Variants in MAP2K6 observed in about 807,000 individuals in gnomAD.
MAP2K6 encodes mitogen-activated protein kinase kinase 6, also known as dual specificity mitogen-activated protein kinase kinase 6.
A neutral mutation model predicts 53.7 loss-of-function variants in MAP2K6; 16 were observed. The observed-to-expected ratio is 0.30, with a 90% CI of 0.20 to 0.45. The LOEUF is 0.45. MAP2K6 is among the 20% of genes least tolerant of loss of function. MAP2K6 has a pLI of 1.00. For synonymous variants in MAP2K6, 132 were observed against 143.1 expected (o/e 0.92, Z 0.55); for missense variants, 204 against 411.9 (o/e 0.50, Z 4.37).
intron 1 of MAP2K6, among the ~76,000 whole-genome samples, chr17:69,456,783 C>T (rs926713279): frequency 1.3e-5 from 2 of 152,164 alleles, no homozygotes; most frequent in Admixed American, 6.5e-5. Context: ...TACTCTTACC[C>T]CACCTGCCCT....
intron 11 of MAP2K6, 128 bp downstream of exon 11, chr17:69,536,288 T>C (rs1911354689): frequency 8.4e-6 from 6 of 713,528 alleles, no homozygotes; most frequent in South Asian, 5.0e-5. Flanking sequence ...GTGACAGGAA[T>C]TGAACTCCAG....
rs1245587290 is a variant in MAP2K6, at chr17:69,553,862, C to T, written c.*12109C>T. On this transcript the variant is annotated 3_prime_UTR_variant, in exon 12 of 12. Transcript: ENST00000590474. ...AACCAATAAAAGACATTTTAAAAAG[C>T]GTAGTGAGTCTGTACATTAATTGAG... The T allele has an allele frequency of 2.0e-5, 3 of 152,142 alleles. No homozygotes were observed. Among genetic ancestry groups the T allele is most frequent in the Non-Finnish European group, 4.4e-5 (3 of 68,024 alleles). The allele number at this position is 152,142 out of a possible 1,614,324, so 9.4% of individuals were successfully genotyped here.
At chr17:69,463,556 C>T (rs945687826) in intron 1 of MAP2K6, among the ~76,000 whole-genome samples, 4 of 149,836 alleles carry the variant, frequency 2.7e-5, no homozygotes, top group African/African-American at 9.8e-5. Context: ...CCTCCACCTC[C>T]CACGTTCAAG....
chr17:69,422,782 C>T (rs1033214267), intron 1 of MAP2K6, among the ~76,000 whole-genome samples: 10 of 152,206 alleles, frequency 6.6e-5, no homozygotes, highest in South Asian at 2.1e-4. Flanking sequence ...GGCTGGATAG[C>T]GAGTCAGTGG....
intron 1 of MAP2K6, among the ~76,000 whole-genome samples, chr17:69,449,609 C>CTTTTTT (rs757595417): frequency 2.9e-5 from 2 of 70,014 alleles, no homozygotes; most frequent in Non-Finnish European, 5.6e-5. Flanking sequence ...CTTTCTCTCT[C>CTTTTTT]TTTTTTTTTT....
rs71144698 is a variant in MAP2K6 at position 69,508,041 on chromosome 17, G to GTTTTTTTTTTTT, written c.83+2211_83+2222dup. Among the ~76,000 whole-genome samples, 8 of 44,872 alleles carry GTTTTTTTTTTTT rather than the reference G, an allele frequency of 1.8e-4. 2 individuals carry two copies. The highest frequency in any genetic ancestry group is 2.6e-4 in the African/African-American group (3 of 11,660). 29.4% of individuals were successfully genotyped at this position (44,872 alleles called of 152,430 possible). A position where few individuals can be genotyped will look rare whatever the true frequency, so the allele number is the denominator to read the frequency against. On this transcript the variant is annotated intron_variant, in intron 2 of 11. Coordinates refer to ENST00000590474, the MANE Select transcript of MAP2K6 (RefSeq NM_002758.4). Reference sequence around the variant, plus strand: ...TCTGATGTGTAGTGATATATATGTAGTTTTTTTTTTTTTTTTTTTTTTTTT... The same window carrying GTTTTTTTTTTTT: ...TCTGATGTGTAGTGATATATATGTAGTTTTTTTTTTTTTTTTTTTTTTTTTTTTTTTTTTTTT...
At position 69,551,092 on chromosome 17, in the gene MAP2K6, A is replaced by T. The variant is rs1481547019; in HGVS notation, c.*9339A>T. The T allele has an allele frequency of 6.6e-6, 1 of 152,186 alleles. No individual in the cohort carries two copies. The highest frequency in any genetic ancestry group is 2.4e-5 in the African/African-American group (1 of 41,436). The allele number at this position is 152,186 out of a possible 1,614,324, so 9.4% of individuals were successfully genotyped here. A position where few individuals can be genotyped will look rare whatever the true frequency, so the allele number is the denominator to read the frequency against. ...TCCTAAAGTGGTTGAGAATGACCTG[A>T]TCTTTGTTCACCGTCTCAGTGACAA... On this transcript the variant is annotated 3_prime_UTR_variant, in exon 12 of 12. Transcript: ENST00000590474.
chr17:69,501,331 A>G (rs1002211981), intron 1 of MAP2K6, among the ~76,000 whole-genome samples: 14 of 152,184 alleles, frequency 9.2e-5, no homozygotes, highest in Admixed American at 8.5e-4. Flanking sequence ...TTGGGTTGGC[A>G]GTGGAACATA....
intron 11 of MAP2K6, among the ~76,000 whole-genome samples, chr17:69,539,108 A>G (rs1253773669): frequency 6.6e-6 from 1 of 152,214 alleles, no homozygotes; most frequent in Admixed American, 6.5e-5. Context: ...ATGTTCTCCA[A>G]TTATCTTAGG....
chr17:69,437,057 C>A (rs1052769995), intron 1 of MAP2K6, among the ~76,000 whole-genome samples: 1 of 152,050 alleles, frequency 6.6e-6, no homozygotes, highest in Non-Finnish European at 1.5e-5. Flanking sequence ...AAACTTCTGA[C>A]CTCAGGCGAT....
In MAP2K6 at chr17:69,529,573, C is replaced by T. The variant is rs188173038; in HGVS notation, c.881+2864C>T. ...CCACCCAGGCTGGAGTGCAGTGGCA[C>T]GATCTCAGCTCACTGCAAGCTCCGC... On this transcript the variant is annotated intron_variant, in intron 10 of 11. Transcript: ENST00000590474. Among the ~76,000 whole-genome samples, 128 of 143,934 alleles carry T rather than the reference C, an allele frequency of 8.9e-4. 3 individuals are homozygous for T. The East Asian group carries it at 0.025, about 28-fold the overall frequency. The allele number at this position is 143,934 out of a possible 152,430, so 94.4% of individuals were successfully genotyped here. A position where few individuals can be genotyped will look rare whatever the true frequency, so the allele number is the denominator to read the frequency against.
At chr17:69,457,908 T>G (rs1418824005) in intron 1 of MAP2K6, among the ~76,000 whole-genome samples, 1 of 152,222 alleles carries the variant, frequency 6.6e-6, no homozygotes, top group Non-Finnish European at 1.5e-5. Flanking sequence ...AAGATTCCTG[T>G]GCACATTAAA....
intron 1 of MAP2K6, among the ~76,000 whole-genome samples, chr17:69,440,409 C>T (rs183741589): frequency 6.6e-6 from 1 of 152,262 alleles, no homozygotes; most frequent in East Asian, 1.9e-4. Context: ...CTACCCCAGC[C>T]TCACCCAATA....
At chr17:69,456,155 CTGTCCTGGCCTTTCAGTTTT>C (rs1038126519) in intron 1 of MAP2K6, among the ~76,000 whole-genome samples, 1 of 152,226 alleles carries the variant, frequency 6.6e-6, no homozygotes, top group African/African-American at 2.4e-5. Flanking sequence ...GCCACAGCTC[CTGTCCTGGCCTTTCAGTTTT>C]AAACCCAGAA....
intron 1 of MAP2K6, among the ~76,000 whole-genome samples, chr17:69,458,937 C>A (rs1454774097): frequency 6.6e-6 from 1 of 152,160 alleles, no homozygotes; most frequent in Non-Finnish European, 1.5e-5. Flanking sequence ...CCTTTTGGAG[C>A]ACATTAAAGC....
rs369519969 is a variant in MAP2K6 at position 69,494,871 on chromosome 17, G to A, written c.17-10909G>A. ...AAATACAAAATTAGCCGGGCATGGT[G>A]GCGCACTTCTGTAATCCCAGCTACT... On this transcript the variant is annotated intron_variant, in intron 1 of 11. Coordinates refer to ENST00000590474, the MANE Select transcript of MAP2K6 (RefSeq NM_002758.4). The surrounding 1 kb of genome is among the most constrained non-coding windows in gnomAD (Gnocchi z 4.2). Among the ~76,000 whole-genome samples the A allele has an allele frequency of 7.2e-5, 11 of 152,116 alleles. No individual in the cohort carries two copies. The East Asian group carries it at 1.4e-3, about 19-fold the overall frequency.
At chr17:69,447,153 A>G (rs1450589844) in intron 1 of MAP2K6, among the ~76,000 whole-genome samples, 2 of 150,530 alleles carry the variant, frequency 1.3e-5, no homozygotes, top group East Asian at 2.0e-4. Flanking sequence ...AATTTTTTGT[A>G]TTTTTAATAG....
At chr17:69,485,500 G>C in intron 1 of MAP2K6, 1 of 973,506 alleles carries the variant, frequency 1.0e-6, no homozygotes, top group Non-Finnish European at 1.2e-6. Flanking sequence ...AATTTCATTT[G>C]AAACTACGGG....
At chr17:69,450,101 ATTT>A (rs55956707) in intron 1 of MAP2K6, among the ~76,000 whole-genome samples, 54,575 of 124,798 alleles carry the variant, frequency 0.44, 12,550 homozygotes, top group South Asian at 0.6. Context: ...CACCTGGCTA[ATTT>A]TTTTTTTTTT....
Sources: allele counts gnomAD v4.1 joint callset (sites outside exome capture counted in the v4.1 genomes callset), GRCh38; gene constraint gnomAD v4.1.1; non-coding constraint Gnocchi (gnomAD v3.1); transcripts MANE v1.5; gene names NCBI Gene and HGNC (gene_info 2026-07-23, HGNC 2026-07-21).